HTT: variants seen among roughly 807,000 people sequenced by gnomAD.
HTT encodes the protein huntington disease protein.
Under a neutral mutation model 362.3 loss-of-function variants are expected in HTT, and 104 were observed. The observed-to-expected ratio is 0.29, with a 90% CI of 0.24 to 0.34. The LOEUF is 0.34. Among genes scored for constraint, HTT ranks in the 10% least tolerant of loss-of-function variants. The pLI is 1.00. For synonymous variants in HTT, 1,577 were observed against 1,548.7 expected (o/e 1.02, Z -0.43); for missense variants, 3,301 against 3,928.6 (o/e 0.84, Z 4.27).
At chr4:3,105,528 C>A in intron 5 of HTT, 92 bp downstream of exon 5, 1 of 860,442 alleles carries the variant, frequency 1.2e-6, no homozygotes, top group Non-Finnish European at 2.0e-6. Context: ...CAAAAGTCTG[C>A]TCTGCCCTCT....
chr4:3,123,197 C>G, intron 10 of HTT: 1 of 343,818 alleles, frequency 2.9e-6, no homozygotes. Context: ...TTCTAATGTT[C>G]GGGGTCAGCA....
chr4:3,200,535 C>G (rs538464861), intron 41 of HTT, among the ~76,000 whole-genome samples: 1 of 152,172 alleles, frequency 6.6e-6, no homozygotes, highest in South Asian at 2.1e-4. Context: ...CCCTGGCCCC[C>G]GCCCAGCTGA....
rs534074280 is a variant in HTT, at chr4:3,162,544, G to A, written c.3864+2152G>A. 1.8e-4 allele frequency among the ~76,000 whole-genome samples: 28 copies of A among 152,218 alleles called. 1 individual carries two copies. The South Asian group carries it at 3.9e-3, about 21-fold the overall frequency. On this transcript the variant is annotated intron_variant, in intron 29 of 66. Transcript: ENST00000355072. ...AAGGCCATTTTCACGATATTGATTCGTCCTATCCATGAACATGGAATGTTT... is the reference window on the plus strand; with the variant it reads ...AAGGCCATTTTCACGATATTGATTCATCCTATCCATGAACATGGAATGTTT...
intron 8 of HTT, among the ~76,000 whole-genome samples, chr4:3,120,106 G>T (rs1715224572): frequency 6.6e-6 from 1 of 152,102 alleles, no homozygotes; most frequent in Non-Finnish European, 1.5e-5. Context: ...AGAGCTAAAA[G>T]TGAGACTTTT....
At chr4:3,190,328 T>C (rs1444473145) in intron 40 of HTT, among the ~76,000 whole-genome samples, 17 of 144,184 alleles carry the variant, frequency 1.2e-4, no homozygotes, top group Non-Finnish European at 2.0e-4. Flanking sequence ...TACAGAATGA[T>C]ACCCTGCCTC....
chr4:3,169,903 T>C (rs1214781831), intron 29 of HTT, among the ~76,000 whole-genome samples: 2 of 152,246 alleles, frequency 1.3e-5, no homozygotes, highest in South Asian at 4.1e-4. Context: ...TAATTTTGTT[T>C]TTATCTCTAG....
Position 3,235,687 on chromosome 4 carries a change from G to T in HTT, c.8694G>T (p.Ser2898=), listed in dbSNP as rs372861328. 7.4e-6 allele frequency: 12 copies of T among 1,613,304 alleles called. No homozygotes were observed. The highest frequency in any genetic ancestry group is 3.3e-5 in the Admixed American group (2 of 59,998). ...SEQLSRLDAE[S]LVKLSVDRVN... ...AGCTCTCCCGCCTGGATGCAGAATC[G>T]CTGGTCAAGCTGAGTGTGGACAGAG... Residue 2898 remains serine, a synonymous_variant, in exon 63 of 67, where the codon TCG becomes TCT. Coordinates refer to ENST00000355072, the MANE Select transcript of HTT (RefSeq NM_001388492.1).
Position 3,188,888 on chromosome 4 carries a change from A to C in HTT, c.5226-63A>C, listed in dbSNP as rs1718889805. On this transcript the variant is annotated intron_variant, in intron 39 of 66. Transcript: ENST00000355072. The stretch of plus-strand genomic sequence containing the variant: ...ATTTACCATATATCTTTTCATGTAT[A>C]CTTGGCGTAAGTGCTTTATAGTAGT... 3 of 1,437,808 alleles carry C rather than the reference A, an allele frequency of 2.1e-6. No individual in the cohort carries two copies. In the East Asian group the frequency reaches 6.8e-5, roughly 33 times the overall value. 89.1% of individuals were successfully genotyped at this position (1,437,808 alleles called of 1,614,324 possible).
At chr4:3,129,567 G>A (rs562952285) in intron 12 of HTT, 2 of 208,564 alleles carry the variant, frequency 9.6e-6, no homozygotes, top group South Asian at 1.5e-4. Flanking sequence ...TATATTGTTA[G>A]GTTTTTGTCG....
intron 6 of HTT, among the ~76,000 whole-genome samples, chr4:3,109,169 C>G (rs1393628781): frequency 2.0e-5 from 3 of 152,070 alleles, no homozygotes; most frequent in East Asian, 3.8e-4. Flanking sequence ...TTGTGTCTCA[C>G]AGGCAAACAT....
intron 40 of HTT, among the ~76,000 whole-genome samples, chr4:3,189,304 G>A (rs1718909989): frequency 6.6e-6 from 1 of 152,182 alleles, no homozygotes; most frequent in Admixed American, 6.5e-5. Context: ...AAAGCAGGGT[G>A]GTGAAAAGAT....
In HTT at chr4:3,238,569, A is replaced by G; in HGVS notation, c.9014A>G (p.Gln3005Arg). 6.2e-7 allele frequency: 1 copy of G among 1,612,744 alleles called. No individual in the cohort carries two copies. The highest frequency in any genetic ancestry group is 8.5e-7 in the Non-Finnish European group (1 of 1,179,384). Residue 3005 changes from glutamine to arginine, a missense_variant, in exon 65 of 67, where the codon CAG becomes CGG. By Grantham distance (43) the Gln-to-Arg change is conservative. Around this residue, in one of 4 missense-constraint regions of HTT, gnomAD observed 753 missense variants for 1,021.3 expected, o/e 0.74. Transcript: ENST00000355072. ...GTCATCGGAGAGTTTCTGTCCAACCAGCAGCCATACCCCCAGTTCATGGCC... is the reference window on the plus strand; with the variant it reads ...GTCATCGGAGAGTTTCTGTCCAACCGGCAGCCATACCCCCAGTTCATGGCC... ...NKVIGEFLSN[Q>R]QPYPQFMATV... is the part of the protein sequence containing the mutation.
intron 28 of HTT, among the ~76,000 whole-genome samples, chr4:3,159,065 C>T (rs1474227180): frequency 4.6e-5 from 7 of 152,198 alleles, no homozygotes; most frequent in East Asian, 1.9e-4. Context: ...GAGTGCCTGG[C>T]GTGTCTTGCT....
intron 24 of HTT, among the ~76,000 whole-genome samples, chr4:3,146,340 C>T (rs1179776097): frequency 6.6e-6 from 1 of 152,144 alleles, no homozygotes; most frequent in Non-Finnish European, 1.5e-5. Context: ...CATTGGGGAA[C>T]CAACATAATA....
intron 53 of HTT, among the ~76,000 whole-genome samples, chr4:3,221,756 A>T (rs1419595867): frequency 6.6e-6 from 1 of 152,244 alleles, no homozygotes; most frequent in East Asian, 1.9e-4. Context: ...AATGCAGCTC[A>T]TCAATAGGGA....
rs2110188939 is a variant in HTT at position 3,131,714 on chromosome 4, C to T, written c.2175C>T (p.Leu725=). ...GCTGTGTGGGAGCAGCTGTGGCCCT[C>T]CACCCGGAATCTTTCTTCAGCAAAC... The part of the protein sequence containing the change: ...ALSCVGAAVA[L]HPESFFSKLY... Residue 725 remains leucine (L), a synonymous_variant, in exon 16 of 67, where the codon CTC becomes CTT. Coordinates refer to ENST00000355072, the MANE Select transcript of HTT (RefSeq NM_001388492.1). The T allele has an allele frequency of 6.2e-7, 1 of 1,614,032 alleles. No homozygotes were observed.
chr4:3,213,287 G>C (rs1297999379), intron 49 of HTT, among the ~76,000 whole-genome samples: 1 of 152,254 alleles, frequency 6.6e-6, no homozygotes, highest in Non-Finnish European at 1.5e-5. Context: ...GAACCACGTG[G>C]AGTCATATGG....
chr4:3,237,567 C>G (rs576276721), intron 64 of HTT, among the ~76,000 whole-genome samples: 5 of 151,956 alleles, frequency 3.3e-5, no homozygotes, highest in African/African-American at 1.2e-4. Flanking sequence ...TCCGCTTGAC[C>G]GCTCTCCAGA....
chr4:3,089,259 C>CTT (rs896224738), intron 2 of HTT, among the ~76,000 whole-genome samples: 3 of 146,860 alleles, frequency 2.0e-5, no homozygotes, highest in Admixed American at 6.8e-5. Context: ...GTTATCTTTA[C>CTT]TTTTTTTTTT....
Sources: allele counts gnomAD v4.1 joint callset (sites outside exome capture counted in the v4.1 genomes callset), GRCh38; gene constraint gnomAD v4.1.1; regional missense constraint gnomAD v4.1.1; transcripts MANE v1.5; gene names NCBI Gene and HGNC (gene_info 2026-07-23, HGNC 2026-07-21).